PLEKHA8: variants seen among roughly 807,000 people sequenced by gnomAD.
The protein encoded by PLEKHA8 is pleckstrin homology domain-containing family A member 8.
In PLEKHA8, 36 loss-of-function variants were observed where a neutral mutation model predicts 68.2. The ratio of observed to expected loss-of-function variants is 0.53; its 90% CI spans 0.40 to 0.70. The LOEUF (loss-of-function observed/expected upper bound fraction) is 0.70, where lower values mean the gene tolerates loss of function less well. PLEKHA8 is among the 30% of genes least tolerant of loss of function. PLEKHA8 has a pLI of 0.00. For missense variants in PLEKHA8, 505 were observed against 615.4 expected (o/e 0.82, Z 1.90); for synonymous variants, 211 against 216.1 (o/e 0.98, Z 0.20).
At chr7:30,056,358 C>CATAT (rs1466345466) in intron 9 of PLEKHA8, among the ~76,000 whole-genome samples, 3 of 122,488 alleles carry the variant, frequency 2.4e-5, no homozygotes, top group African/African-American at 9.4e-5. Flanking sequence ...ATATATATAA[C>CATAT]ACATATATAT....
At chr7:30,057,451 T>C (rs1192577470) in intron 9 of PLEKHA8, among the ~76,000 whole-genome samples, 1 of 151,966 alleles carries the variant, frequency 6.6e-6, no homozygotes, top group Non-Finnish European at 1.5e-5. Context: ...AGTTTGTAGT[T>C]TGGGACTCTT....
intron 13 of PLEKHA8, among the ~76,000 whole-genome samples, chr7:30,102,118 G>A (rs557181993): frequency 7.9e-5 from 12 of 152,172 alleles, no homozygotes; most frequent in African/African-American, 2.9e-4. Context: ...TTAAAAATAG[G>A]CAAAGGACTT....
At chr7:30,078,197 CCAGAAGA>C (rs1306804955) in intron 13 of PLEKHA8, among the ~76,000 whole-genome samples, 1 of 152,024 alleles carries the variant, frequency 6.6e-6, no homozygotes, top group Non-Finnish European at 1.5e-5. Flanking sequence ...ATGAGATGCC[CCAGAAGA>C]CAGGCCATGT....
rs149341360 is a variant in PLEKHA8, at chr7:30,035,234, C to T, written c.40+6432C>T. On this transcript the variant is annotated intron_variant, in intron 1 of 13. Coordinates refer to ENST00000449726, the MANE Select transcript of PLEKHA8 (RefSeq NM_001197026.2). ...ACCTTGAGCAAGTTACTTAATCTTC[C>T]TGAGTCTCAGTTTTAAAATGACAGC... 4.6e-5 allele frequency among the ~76,000 whole-genome samples: 7 copies of T among 152,256 alleles called. No individual in the cohort carries two copies. The East Asian group carries it at 1.3e-3, about 29-fold the overall frequency.
Position 30,084,587 on chromosome 7 carries a change from A to C in PLEKHA8, c.*5800A>C, listed in dbSNP as rs956386892. 2 of 964,964 alleles carry C rather than the reference A, an allele frequency of 2.1e-6. No individual in the cohort carries two copies. Among genetic ancestry groups the C allele is most frequent in the African/African-American group, 3.5e-5 (2 of 56,624 alleles). 59.8% of individuals were successfully genotyped at this position (964,964 alleles called of 1,614,324 possible). On this transcript the variant is annotated 3_prime_UTR_variant, in exon 14 of 14. Transcript: ENST00000449726. Reference sequence around the variant, plus strand: ...GGGGAGGGTTTTACTTTTTTTGCAAAAATGTTTGAAAATATCTGTCAGATT... The same window carrying C: ...GGGGAGGGTTTTACTTTTTTTGCAACAATGTTTGAAAATATCTGTCAGATT...
At chr7:30,073,563 T>TAAAAAA (rs35738941) in intron 12 of PLEKHA8, among the ~76,000 whole-genome samples, 54 of 111,762 alleles carry the variant, frequency 4.8e-4, no homozygotes, top group African/African-American at 1.7e-3. Context: ...TTGTGTTTCT[T>TAAAAAA]AAAAAAAAAA....
rs756600584 is a variant in PLEKHA8, at chr7:30,060,938, T to C, written c.1094T>C (p.Ile365Thr). 3 of 1,613,264 alleles carry C rather than the reference T, an allele frequency of 1.9e-6. No homozygotes were observed. The highest frequency in any genetic ancestry group is 2.7e-5 in the African/African-American group (2 of 74,924). The change falls in exon 10 of 14, where the codon ATT (isoleucine) becomes ACT (threonine). Residue 365 changes from isoleucine to threonine, a missense_variant. Physicochemically the swap from Ile to Thr is moderately conservative, Grantham distance 89. Transcript: ENST00000449726. ...GTTAAGATGGATCTTGTTGGAAATATTAAGGTGAGCATACTGGTTTGTCTC... is the reference window on the plus strand; with the variant it reads ...GTTAAGATGGATCTTGTTGGAAATACTAAGGTGAGCATACTGGTTTGTCTC... ...APVKMDLVGN[I>T]KKVNQKYITN...
chr7:30,067,418 C>T (rs988642848), intron 12 of PLEKHA8, among the ~76,000 whole-genome samples: 1 of 151,894 alleles, frequency 6.6e-6, no homozygotes, highest in African/African-American at 2.4e-5. Flanking sequence ...TGCAGTGAGC[C>T]ATGTTTGCAC....
At chr7:30,045,873 C>T (rs1342267734) in intron 2 of PLEKHA8, among the ~76,000 whole-genome samples, 4 of 152,112 alleles carry the variant, frequency 2.6e-5, no homozygotes, top group Non-Finnish European at 5.9e-5. Flanking sequence ...TCAGAGCAGC[C>T]TACTTAACAC....
intron 13 of PLEKHA8, among the ~76,000 whole-genome samples, chr7:30,098,638 G>A (rs143498927): frequency 0.019 from 2,877 of 152,342 alleles, 43 homozygotes; most frequent in East Asian, 0.041. Flanking sequence ...AGCCAGGTGC[G>A]GGATATAATC....
intron 13 of PLEKHA8, among the ~76,000 whole-genome samples, chr7:30,098,600 C>T (rs942671117): frequency 4.6e-5 from 7 of 152,164 alleles, no homozygotes; most frequent in East Asian, 1.9e-4. Flanking sequence ...TAGCAATGAG[C>T]GAGGCTCCGT....
chr7:30,068,528 C>T (rs943743932), intron 12 of PLEKHA8, among the ~76,000 whole-genome samples: 1 of 152,000 alleles, frequency 6.6e-6, no homozygotes. Flanking sequence ...CTGTGAGTTG[C>T]CTGTTCATGT....
chr7:30,086,532 TC>T (rs1324925373), downstream of PLEKHA8, among the ~76,000 whole-genome samples: 1 of 152,202 alleles, frequency 6.6e-6, no homozygotes, highest in Non-Finnish European at 1.5e-5. Context: ...TGTCCCAACT[TC>T]CAGTGGGTAG....
chr7:30,094,420 G>A (rs1012102412), downstream of PLEKHA8, among the ~76,000 whole-genome samples: 18 of 151,708 alleles, frequency 1.2e-4, no homozygotes, highest in African/African-American at 3.9e-4. Flanking sequence ...GATTATAGGC[G>A]CCTGCCACCA....
chr7:30,070,628 C>T (rs1423342244), intron 12 of PLEKHA8, among the ~76,000 whole-genome samples: 2 of 150,648 alleles, frequency 1.3e-5, no homozygotes, highest in Non-Finnish European at 2.9e-5. Flanking sequence ...CTCACTGCAA[C>T]CTCTGCCTCC....
intron 11 of PLEKHA8, 142 bp downstream of exon 11, chr7:30,062,169 A>C: frequency 1.0e-6 from 1 of 971,540 alleles, no homozygotes; most frequent in Non-Finnish European, 1.5e-6. Flanking sequence ...CCTAATGAAT[A>C]ATACCACCTT....
At chr7:30,041,584 A>G (rs1791540518) in intron 1 of PLEKHA8, among the ~76,000 whole-genome samples, 1 of 151,986 alleles carries the variant, frequency 6.6e-6, no homozygotes, top group South Asian at 2.1e-4. Context: ...TTGTTGAGAC[A>G]GGGTCTCACT....
chr7:30,097,183 T>C (rs1795652974), intron 13 of PLEKHA8, among the ~76,000 whole-genome samples: 1 of 152,258 alleles, frequency 6.6e-6, no homozygotes, highest in South Asian at 2.1e-4. Context: ...GTAGAGTTAC[T>C]GCCGAGAGAT....
chr7:30,053,613 C>T (rs1396805160), intron 7 of PLEKHA8, among the ~76,000 whole-genome samples: 1 of 152,124 alleles, frequency 6.6e-6, no homozygotes. Flanking sequence ...ATAATAAAGA[C>T]AGAAGAAAAT....
Sources: allele counts gnomAD v4.1 joint callset (sites outside exome capture counted in the v4.1 genomes callset), GRCh38; gene constraint gnomAD v4.1.1; transcripts MANE v1.5; gene names NCBI Gene and HGNC (gene_info 2026-07-23, HGNC 2026-07-21).